Variants in IPO8 observed in about 807,000 individuals in gnomAD.
IPO8 encodes the protein importin-8.
In IPO8, 65 loss-of-function variants were observed where a neutral mutation model predicts 141.2. The ratio of observed to expected loss-of-function variants is 0.46; its 90% CI spans 0.38 to 0.57. IPO8 has a LOEUF of 0.57. Among genes scored for constraint, IPO8 ranks in the 20% least tolerant of loss-of-function variants. The pLI is 0.00. For synonymous variants in IPO8, 411 were observed against 420.3 expected (o/e 0.98, Z 0.27); for missense variants, 980 against 1,246.8 (o/e 0.79, Z 3.22).
chr12:30,665,943 T>G (rs909702461), intron 11 of IPO8, 98 bp from the exon 12 acceptor site: 2 of 796,960 alleles, frequency 2.5e-6, no homozygotes, highest in East Asian at 5.1e-5. Flanking sequence ...AAAGCCATTT[T>G]ATTATGTTTT....
intron 21 of IPO8, among the ~76,000 whole-genome samples, chr12:30,637,441 T>C (rs892422849): frequency 3.3e-5 from 5 of 152,214 alleles, no homozygotes; most frequent in Non-Finnish European, 7.3e-5. Context: ...TTATGATTAA[T>C]ATAAATGTTA....
At chr12:30,657,735 T>C (rs1024830775) in intron 16 of IPO8, among the ~76,000 whole-genome samples, 2 of 152,188 alleles carry the variant, frequency 1.3e-5, no homozygotes, top group Non-Finnish European at 2.9e-5. Flanking sequence ...ATTAAAAATA[T>C]ATAACTTTAT....
intron 7 of IPO8, 33 bp downstream of exon 7, chr12:30,674,626 G>A (rs745777104): frequency 6.3e-6 from 9 of 1,421,692 alleles, no homozygotes; most frequent in Non-Finnish European, 9.0e-6. Flanking sequence ...GATACTGGCT[G>A]TATGATCATC....
At chr12:30,653,180 C>T (rs963729027) in intron 17 of IPO8, 88 bp from the exon 18 acceptor site, 53 of 1,176,622 alleles carry the variant, frequency 4.5e-5, no homozygotes, top group Admixed American at 1.0e-4. Context: ...AGACTACCTA[C>T]GCACACAGAG....
chr12:30,648,840 G>C (rs1185871202), intron 20 of IPO8, among the ~76,000 whole-genome samples: 2 of 151,972 alleles, frequency 1.3e-5, no homozygotes, highest in African/African-American at 4.8e-5. Context: ...ACAAAACAAA[G>C]GGAACATGAA....
At chr12:30,674,363 A>G (rs752153072) in intron 7 of IPO8, among the ~76,000 whole-genome samples, 1 of 152,220 alleles carries the variant, frequency 6.6e-6, no homozygotes, top group Non-Finnish European at 1.5e-5. Flanking sequence ...TTTTCAATAA[A>G]TGCTTTTAAA....
intron 20 of IPO8, among the ~76,000 whole-genome samples, chr12:30,646,024 C>G (rs1208396646): frequency 6.6e-6 from 1 of 152,120 alleles, no homozygotes; most frequent in Non-Finnish European, 1.5e-5. Flanking sequence ...TCCAACAATA[C>G]TCTGATACCA....
At chr12:30,682,641 A>G (rs967711211) in intron 3 of IPO8, among the ~76,000 whole-genome samples, 1 of 152,182 alleles carries the variant, frequency 6.6e-6, no homozygotes, top group Admixed American at 6.5e-5. Context: ...TATCAATTCA[A>G]TGTTATCACC....
intron 22 of IPO8, among the ~76,000 whole-genome samples, chr12:30,636,758 A>G (rs756821599): frequency 3.3e-5 from 5 of 152,136 alleles, no homozygotes; most frequent in Admixed American, 6.5e-5. Context: ...AGGCTCCATA[A>G]AAAAAACCGC....
chr12:30,648,584 A>C (rs117240992), intron 20 of IPO8, among the ~76,000 whole-genome samples: 4,694 of 152,324 alleles, frequency 0.031, 99 homozygotes, highest in Middle Eastern at 0.11. Context: ...AGAAATACAT[A>C]AAGCAAAACT....
At chr12:30,657,710 G>C (rs2052820334) in intron 16 of IPO8, among the ~76,000 whole-genome samples, 1 of 151,992 alleles carries the variant, frequency 6.6e-6, no homozygotes, top group Non-Finnish European at 1.5e-5. Context: ...TCATACAAGG[G>C]AATATTAAGC....
intron 13 of IPO8, among the ~76,000 whole-genome samples, chr12:30,664,499 T>C (rs1198865997): frequency 6.6e-6 from 1 of 152,206 alleles, no homozygotes; most frequent in African/African-American, 2.4e-5. Flanking sequence ...TAGAGCACAA[T>C]TTCACATGGA....
At position 30,649,126 on chromosome 12, in the gene IPO8, A is replaced by G; in HGVS notation, c.2268+11T>C. The G allele has an allele frequency of 6.3e-7, 1 of 1,579,082 alleles. No individual in the cohort carries two copies. The highest frequency in any genetic ancestry group is 8.7e-7 in the Non-Finnish European group (1 of 1,150,862). On this transcript the variant is annotated intron_variant, in intron 20 of 24. Transcript: ENST00000256079. ...AACCCTCAAGTAAGGCACTTTCCAGACATATATTACCTGATCAATTCCCCT... is the reference window on the plus strand; with the variant it reads ...AACCCTCAAGTAAGGCACTTTCCAGGCATATATTACCTGATCAATTCCCCT...
At chr12:30,665,890 G>T (rs373695343) in intron 11 of IPO8, 45 bp from the exon 12 acceptor site, 4 of 1,285,370 alleles carry the variant, frequency 3.1e-6, no homozygotes, top group African/African-American at 1.5e-5. Context: ...AACTTTCATT[G>T]TCTTACTATA....
intron 7 of IPO8, 73 bp from the exon 8 acceptor site, chr12:30,674,147 T>G: frequency 1.1e-6 from 1 of 947,652 alleles, no homozygotes; most frequent in Non-Finnish European, 1.6e-6. Context: ...AATTTAAATA[T>G]AGTCGCTTAT....
chr12:30,653,399 A>T (rs1316042696), intron 17 of IPO8, among the ~76,000 whole-genome samples: 2 of 152,046 alleles, frequency 1.3e-5, no homozygotes, highest in African/African-American at 4.8e-5. Context: ...CTGTATTAGA[A>T]ATAGATACAA....
intron 14 of IPO8, 134 bp downstream of exon 14, chr12:30,663,355 T>G: frequency 1.5e-6 from 1 of 670,956 alleles, no homozygotes; most frequent in Non-Finnish European, 2.4e-6. Flanking sequence ...AAGAATAAAT[T>G]CCTACAAAAT....
At chr12:30,680,690 C>A (rs1392785463) in intron 4 of IPO8, 52 bp from the exon 5 acceptor site, 1 of 1,385,272 alleles carries the variant, frequency 7.2e-7, no homozygotes, top group Non-Finnish European at 9.9e-7. Context: ...CCCAAAGAAC[C>A]ATCAACAATA....
At chr12:30,641,844 T>C (rs1282796592) in intron 20 of IPO8, among the ~76,000 whole-genome samples, 3 of 152,084 alleles carry the variant, frequency 2.0e-5, no homozygotes, top group Non-Finnish European at 4.4e-5. Flanking sequence ...GTGGGAGATA[T>C]AGAACAGAAT....
Sources: gnomAD v4.1 joint callset for allele counts (sites outside exome capture counted in the v4.1 genomes callset) on GRCh38, gnomAD v4.1.1 for gene constraint, MANE v1.5 for transcripts, NCBI Gene and HGNC (gene_info 2026-07-23, HGNC 2026-07-21) for gene names.